Variants in DPYSL4 observed in about 807,000 individuals in gnomAD.
DPYSL4 encodes the protein dihydropyrimidinase like 4.
DPYSL4 carries 43 observed loss-of-function variants against 63.4 expected under a neutral mutation model. That is an observed-to-expected ratio of 0.68 (90% CI 0.53 to 0.88). DPYSL4 has a LOEUF of 0.88. Ranked by LOEUF, DPYSL4 falls within the 40% of genes least tolerant of loss-of-function variation. The probability of loss-of-function intolerance (pLI) is 0.00; values close to 1 mark genes in which losing one functional copy is unlikely to be tolerated. For synonymous variants in DPYSL4, 353 were observed against 331.7 expected (o/e 1.06, Z -0.70); for missense variants, 733 against 819.5 (o/e 0.89, Z 1.29).
Position 132,187,049 on chromosome 10 carries a change from AC to A in DPYSL4, c.-10del. Reference sequence around the variant, plus strand: ...CCCGCTTGTGCCGCCCCTACCAGAGACCCCCAGGAGCAGGATGTCCTTCCAG... The same window carrying A: ...CCCGCTTGTGCCGCCCCTACCAGAGACCCCAGGAGCAGGATGTCCTTCCAG... On this transcript the variant is annotated 5_prime_UTR_variant, in exon 1 of 14. Coordinates refer to ENST00000338492, the MANE Select transcript of DPYSL4 (RefSeq NM_006426.3). The A allele has an allele frequency of 9.6e-7, 1 of 1,042,596 alleles. No homozygotes were observed. The highest frequency in any genetic ancestry group is 9.0e-5 in the East Asian group (1 of 11,054). The allele number at this position is 1,042,596 out of a possible 1,614,324, so 64.6% of individuals were successfully genotyped here. A position where few individuals can be genotyped will look rare whatever the true frequency, so the allele number is the denominator to read the frequency against.
chr10:132,192,558 T>G (rs2061892043), intron 2 of DPYSL4, 100 bp from the exon 3 acceptor site: 1 of 1,481,616 alleles, frequency 6.7e-7, no homozygotes, highest in Non-Finnish European at 8.9e-7. Flanking sequence ...CCTCGGGGTC[T>G]GGAGCTCATG....
chr10:132,186,994 T>TCCGGCCCCCCCCCCCCCCCCCCC lies in DPYSL4; in HGVS notation c.-68_-67insGGCCCCCCCCCCCCCCCCCCCCC. The stretch of plus-strand genomic sequence containing the variant: ...CCACGCACGCGTCCCGGCTCACGCG[T>TCCGGCCCCCCCCCCCCCCCCCCC]CCCCCCGCCCGCCCGCCCGCCCGCC... On this transcript the variant is annotated 5_prime_UTR_variant, in exon 1 of 14. Transcript: ENST00000338492. 1.2e-4 allele frequency: 25 copies of TCCGGCCCCCCCCCCCCCCCCCCC among 217,370 alleles called. No homozygotes were observed. The highest frequency in any genetic ancestry group is 5.2e-4 in the South Asian group (7 of 13,404). The allele number at this position is 217,370 out of a possible 1,614,324, so 13.5% of individuals were successfully genotyped here. A position where few individuals can be genotyped will look rare whatever the true frequency, so the allele number is the denominator to read the frequency against.
At chr10:132,204,771 C>A in intron 13 of DPYSL4, 68 bp from the exon 14 acceptor site, 1 of 1,403,324 alleles carries the variant, frequency 7.1e-7, no homozygotes, top group Non-Finnish European at 9.7e-7. Context: ...GACTCTGCCT[C>A]ACGCCTTGAA....
intron 6 of DPYSL4, among the ~76,000 whole-genome samples, chr10:132,197,996 C>T (rs997934202): frequency 6.6e-6 from 1 of 152,210 alleles, no homozygotes; most frequent in Non-Finnish European, 1.5e-5. Flanking sequence ...CGAGCGGATG[C>T]CGTAGTGCAA....
chr10:132,197,967 T>C (rs2061966665), intron 6 of DPYSL4, among the ~76,000 whole-genome samples: 1 of 152,304 alleles, frequency 6.6e-6, no homozygotes, highest in African/African-American at 2.4e-5. Context: ...TTCTGGCCGG[T>C]ACCATGTCTT....
chr10:132,202,244 G>A lies in DPYSL4; in HGVS notation c.1281+128G>A, dbSNP rs1315876756. 4.5e-5 allele frequency: 55 copies of A among 1,232,288 alleles called. No individual in the cohort carries two copies. The East Asian group carries it at 7.8e-4, about 17-fold the overall frequency. 76.3% of individuals were successfully genotyped at this position (1,232,288 alleles called of 1,614,324 possible). ...CAGTGGCCTCAGCCATCCCAGGGCC[G>A]TCCACACAGCCTGTCCCAGGCCAGA... is the stretch of plus-strand genomic sequence containing the variant. On this transcript the variant is annotated intron_variant, in intron 11 of 13. Transcript: ENST00000338492.
rs747281402 is a variant in DPYSL4, at chr10:132,195,017, TGGCTGGAGG to T, written c.478+19_478+27del. 9.3e-5 allele frequency: 147 copies of T among 1,575,742 alleles called. No homozygotes were observed. The African/African-American group carries it at 1.4e-3, about 15-fold the overall frequency. On this transcript the variant is annotated intron_variant, in intron 4 of 13. Coordinates refer to ENST00000338492, the MANE Select transcript of DPYSL4 (RefSeq NM_006426.3). ...CCCTGGTCAAGGAGAAGGGTGAGGGTGGCTGGAGGGGCTGGAGGGCGGGCATGGAGCCTG... is the reference window on the plus strand; with the variant it reads ...CCCTGGTCAAGGAGAAGGGTGAGGGTGGCTGGAGGGCGGGCATGGAGCCTG...
rs1224502349 is a variant in DPYSL4, at chr10:132,202,755, G to A, written c.1391G>A (p.Gly464Glu). 2 of 1,612,934 alleles carry A rather than the reference G, an allele frequency of 1.2e-6. No individual in the cohort carries two copies. Among genetic ancestry groups the A allele is most frequent in the African/African-American group, 1.3e-5 (1 of 74,944 alleles). The change falls in exon 12 of 14, where the codon GGG becomes GAG. Residue 464 changes from glycine to glutamate, a missense_variant. Physicochemically the swap from Gly to Glu is moderately conservative, Grantham distance 98. Coordinates refer to ENST00000338492, the MANE Select transcript of DPYSL4 (RefSeq NM_006426.3). ...GACGGGAAGATGTTTGTCACCCCGG[G>A]GGCGGGCCGCTTCGTCCCTCGGAAA... ...LEDGKMFVTP[G>E]AGRFVPRKTF...
intron 8 of DPYSL4, among the ~76,000 whole-genome samples, chr10:132,199,789 G>A (rs2061988673): frequency 6.6e-6 from 1 of 152,080 alleles, no homozygotes; most frequent in Non-Finnish European, 1.5e-5. Context: ...GGACTCTGAG[G>A]CGTGCAGGTG....
intron 1 of DPYSL4, among the ~76,000 whole-genome samples, chr10:132,187,893 C>T (rs75098199): frequency 6.6e-6 from 1 of 152,158 alleles, no homozygotes; most frequent in Non-Finnish European, 1.5e-5. Context: ...CTTCGGGACC[C>T]GGCAGGACCT....
chr10:132,204,788 G>GGCCCCT (rs200127087), intron 13 of DPYSL4, 51 bp from the exon 14 acceptor site: 106 of 1,507,942 alleles, frequency 7.0e-5, no homozygotes, highest in South Asian at 1.3e-4. Flanking sequence ...TGAATAGAAG[G>GGCCCCT]GCCCCTGCCC....
At chr10:132,189,139 C>T (rs948726299) in intron 1 of DPYSL4, among the ~76,000 whole-genome samples, 2 of 152,264 alleles carry the variant, frequency 1.3e-5, no homozygotes, top group Non-Finnish European at 2.9e-5. Context: ...CCCTGGCCAC[C>T]TATGGGTGGG....
At chr10:132,196,244 G>A (rs749656666) in intron 4 of DPYSL4, among the ~76,000 whole-genome samples, 1 of 152,222 alleles carries the variant, frequency 6.6e-6, no homozygotes, top group Non-Finnish European at 1.5e-5. Flanking sequence ...TCCTGGGGGA[G>A]GTGGATGGGC....
chr10:132,187,026 CGCTTGTGCCGCCCCTACCAGAGA>C lies in DPYSL4; in HGVS notation c.-37_-15del. ...GCCCGCCCGCCCGCCCGCCCGCCCC[CGCTTGTGCCGCCCCTACCAGAGA>C]CCCCCAGGAGCAGGATGTCCTTCCA... is the stretch of plus-strand genomic sequence containing the variant. On this transcript the variant is annotated 5_prime_UTR_variant, in exon 1 of 14. Transcript: ENST00000338492. 1.8e-6 allele frequency: 1 copy of C among 551,296 alleles called. No homozygotes were observed. 34.2% of individuals were successfully genotyped at this position (551,296 alleles called of 1,614,324 possible).
At chr10:132,190,197 T>C (rs2814161) in intron 1 of DPYSL4, among the ~76,000 whole-genome samples, 12,116 of 152,354 alleles carry the variant, frequency 0.08, 569 homozygotes, top group Middle Eastern at 0.12. Flanking sequence ...GCCGTTGGTC[T>C]CCCCTCAGTG....
Position 132,190,744 on chromosome 10 carries a change from TAG to T in DPYSL4, c.40_41del. On this transcript the variant is annotated splice_acceptor_variant, in intron 1 of 13. Transcript: ENST00000338492. LOFTEE classifies it high-confidence loss of function. Reference sequence around the variant, plus strand: ...AAAAATTACCCTTTGTTGTTCCCGATAGAGTGACCGCCTTCTGATCAGAGGTG... The same window carrying T: ...AAAAATTACCCTTTGTTGTTCCCGATAGTGACCGCCTTCTGATCAGAGGTG... 3 of 1,612,772 alleles carry T rather than the reference TAG, an allele frequency of 1.9e-6. No homozygotes were observed. The highest frequency in any genetic ancestry group is 2.5e-6 in the Non-Finnish European group (3 of 1,178,938).
In DPYSL4 at chr10:132,203,878, C is replaced by T. The variant is rs952770860; in HGVS notation, c.1578C>T (p.Ile526=). The part of the protein sequence containing the change: ...APARASCPGK[I]SVPPVRNLHQ... ...CCCGCGCGTCCTGCCCAGGCAAGATCTCCGTCCCTCCTGTGCGCAACCTAC... is the reference window on the plus strand; with the variant it reads ...CCCGCGCGTCCTGCCCAGGCAAGATTTCCGTCCCTCCTGTGCGCAACCTAC... Residue 526 remains isoleucine (I), a synonymous_variant, in exon 13 of 14, where the codon ATC becomes ATT. Transcript: ENST00000338492. 8 of 1,612,640 alleles carry T rather than the reference C, an allele frequency of 5.0e-6. No individual in the cohort carries two copies. In the African/African-American group the frequency reaches 5.3e-5, roughly 11 times the overall value.
intron 3 of DPYSL4, among the ~76,000 whole-genome samples, chr10:132,193,297 T>C (rs1171949514): frequency 6.6e-6 from 1 of 152,266 alleles, no homozygotes; most frequent in Non-Finnish European, 1.5e-5. Context: ...TAGAAAAAGA[T>C]AAAAGCAATG....
chr10:132,196,935 G>T lies in DPYSL4; in HGVS notation c.540+13G>T. ...CAGCGACAGCCAGGTAAGGGCAGGCGTGGGGAACGGAGTGGGCAGGTATAT... is the reference window on the plus strand; with the variant it reads ...CAGCGACAGCCAGGTAAGGGCAGGCTTGGGGAACGGAGTGGGCAGGTATAT... On this transcript the variant is annotated intron_variant, in intron 5 of 13. Coordinates refer to ENST00000338492, the MANE Select transcript of DPYSL4 (RefSeq NM_006426.3). The T allele has an allele frequency of 6.2e-7, 1 of 1,613,642 alleles. No homozygotes were observed. The highest frequency in any genetic ancestry group is 1.1e-5 in the South Asian group (1 of 91,088).
Sources: allele counts gnomAD v4.1 joint callset (sites outside exome capture counted in the v4.1 genomes callset), GRCh38; gene constraint gnomAD v4.1.1; transcripts MANE v1.5; gene names NCBI Gene and HGNC (gene_info 2026-07-23, HGNC 2026-07-21).